RGS6: variants seen among roughly 807,000 people sequenced by gnomAD.
RGS6 encodes the protein regulator of G-protein signaling 6.
A neutral mutation model predicts 78.5 loss-of-function variants in RGS6; 30 were observed. The observed-to-expected ratio is 0.38, with a 90% CI of 0.29 to 0.52. The LOEUF is 0.52. Among genes scored for constraint, RGS6 ranks in the 20% least tolerant of loss-of-function variants. The pLI is 0.85. For synonymous variants in RGS6, 206 were observed against 206.0 expected (o/e 1.00, Z 0.00); for missense variants, 495 against 609.7 (o/e 0.81, Z 1.98).
intron 6 of RGS6, among the ~76,000 whole-genome samples, chr14:72,464,503 G>C (rs929171086): frequency 2.0e-5 from 3 of 152,174 alleles, no homozygotes; most frequent in African/African-American, 7.2e-5. Context: ...AAATTTTTCA[G>C]AACAAATGAA....
intron 2 of RGS6, among the ~76,000 whole-genome samples, chr14:71,988,856 T>C (rs1158419262): frequency 6.6e-6 from 1 of 152,172 alleles, no homozygotes; most frequent in African/African-American, 2.4e-5. Context: ...CACATTCCTG[T>C]ACTACAAAAA....
chr14:72,348,956 G>A (rs1017140115), intron 2 of RGS6, among the ~76,000 whole-genome samples: 9 of 152,130 alleles, frequency 5.9e-5, no homozygotes, highest in Non-Finnish European at 5.9e-5. Context: ...CACAAGGTCA[G>A]GAGATCGAGA....
At chr14:72,446,319 C>A (rs904903757) in intron 3 of RGS6, among the ~76,000 whole-genome samples, 1 of 152,136 alleles carries the variant, frequency 6.6e-6, no homozygotes, top group Non-Finnish European at 1.5e-5. Flanking sequence ...TCATAGCAAA[C>A]TAATATAGAA....
At chr14:72,148,630 G>C (rs2096640591) in intron 2 of RGS6, among the ~76,000 whole-genome samples, 1 of 152,160 alleles carries the variant, frequency 6.6e-6, no homozygotes, top group Admixed American at 6.5e-5. Flanking sequence ...GGAAGAGGCA[G>C]AATCAATAGA....
intron 2 of RGS6, among the ~76,000 whole-genome samples, chr14:72,246,421 C>T (rs962272208): frequency 1.3e-4 from 20 of 152,252 alleles, no homozygotes; most frequent in African/African-American, 2.9e-4. Flanking sequence ...TTCCTTTGGA[C>T]GTGTTTCTTT....
chr14:72,604,385 G>A, the RGS6 span, among the ~76,000 whole-genome samples: 7,040 of 152,200 alleles, frequency 0.046, 592 homozygotes, highest in African/African-American at 0.16. Context: ...CTGCTCCAAT[G>A]CACCTCCTCA....
chr14:72,523,750 A>G (rs1160477644), intron 15 of RGS6, among the ~76,000 whole-genome samples: 1 of 152,178 alleles, frequency 6.6e-6, no homozygotes, highest in African/African-American at 2.4e-5. Context: ...GTGGGCTGTG[A>G]CCATAGTCCT....
At chr14:71,991,125 G>A (rs935101195) in intron 2 of RGS6, among the ~76,000 whole-genome samples, 10 of 152,194 alleles carry the variant, frequency 6.6e-5, no homozygotes, top group African/African-American at 1.9e-4. Flanking sequence ...TTGATTAAGC[G>A]TTCCTGAGAC....
At chr14:72,100,521 A>C (rs1479910578) in intron 2 of RGS6, among the ~76,000 whole-genome samples, 1 of 152,104 alleles carries the variant, frequency 6.6e-6, no homozygotes, top group Non-Finnish European at 1.5e-5. Context: ...GTAGAAAGAA[A>C]GACTGTAAGA....
rs753065458 is a variant in RGS6 at position 72,279,413 on chromosome 14, C to T, written c.85-72682C>T. Reference sequence around the variant, plus strand: ...AAAGAGGTGAGCAGCAGATAAGTGACGAGGTATGTGAGCTCACACACCCAA... The same window carrying T: ...AAAGAGGTGAGCAGCAGATAAGTGATGAGGTATGTGAGCTCACACACCCAA... On this transcript the variant is annotated intron_variant, in intron 2 of 17. Coordinates refer to ENST00000553525, the MANE Select transcript of RGS6 (RefSeq NM_001204424.2). 1.8e-4 allele frequency among the ~76,000 whole-genome samples: 27 copies of T among 152,200 alleles called. 1 individual carries two copies. The highest frequency in any genetic ancestry group is 6.0e-4 in the African/African-American group (25 of 41,522).
intron 3 of RGS6, among the ~76,000 whole-genome samples, chr14:72,416,901 T>C (rs2093852187): frequency 6.6e-6 from 1 of 152,210 alleles, no homozygotes; most frequent in South Asian, 2.1e-4. Flanking sequence ...TATACCCCTA[T>C]AACCATGGCA....
At chr14:72,324,136 A>T (rs922998771) in intron 2 of RGS6, among the ~76,000 whole-genome samples, 13 of 152,134 alleles carry the variant, frequency 8.5e-5, no homozygotes, top group African/African-American at 2.9e-4. Flanking sequence ...GATATTATTC[A>T]TTTATATCTC....
chr14:72,379,873 G>T (rs367761879), intron 3 of RGS6, among the ~76,000 whole-genome samples: 1 of 151,934 alleles, frequency 6.6e-6, no homozygotes, highest in African/African-American at 2.4e-5. Flanking sequence ...AATCCTCAGC[G>T]AAAAGAACAT....
intron 12 of RGS6, among the ~76,000 whole-genome samples, chr14:72,480,830 CA>C (rs2096360814): frequency 6.6e-6 from 1 of 152,136 alleles, no homozygotes; most frequent in African/African-American, 2.4e-5. Context: ...GTGGCAATTC[CA>C]TATCCCCCAG....
chr14:72,612,583 G>GAA, the RGS6 span: 300,826 of 518,194 alleles, frequency 0.58, 92,103 homozygotes, highest in East Asian at 0.99. Context: ...GGGAAGGGAG[G>GAA]AAACAGTGCA....
intron 3 of RGS6, 81 bp downstream of exon 3, chr14:72,352,275 C>G (rs1411893998): frequency 1.1e-6 from 1 of 935,304 alleles, no homozygotes; most frequent in East Asian, 2.6e-5. Flanking sequence ...TGAGGGGTGT[C>G]TGAAGATCTG....
chr14:72,030,121 A>G (rs734425), intron 2 of RGS6, among the ~76,000 whole-genome samples: 6,655 of 152,288 alleles, frequency 0.044, 178 homozygotes, highest in African/African-American at 0.078. Context: ...GACACATATT[A>G]TAATTGTTAG....
intron 2 of RGS6, among the ~76,000 whole-genome samples, chr14:72,288,245 C>A (rs963014330): frequency 1.3e-5 from 2 of 152,152 alleles, no homozygotes; most frequent in Non-Finnish European, 2.9e-5. Context: ...TTTAGTAAGT[C>A]AAGAATTGTC....
At chr14:72,510,040 A>G in intron 13 of RGS6, 114 bp from the exon 14 acceptor site, 2 of 1,208,402 alleles carry the variant, frequency 1.7e-6, no homozygotes, top group Non-Finnish European at 1.1e-6. Flanking sequence ...CTTAAATATG[A>G]GATGTTTCCC....
Sources: allele counts gnomAD v4.1 joint callset (sites outside exome capture counted in the v4.1 genomes callset), GRCh38; gene constraint gnomAD v4.1.1; transcripts MANE v1.5; gene names NCBI Gene and HGNC (gene_info 2026-07-23, HGNC 2026-07-21).